ALK: variants seen among roughly 807,000 people sequenced by gnomAD.
The protein encoded by ALK is ALK tyrosine kinase receptor.
ALK carries 74 observed loss-of-function variants against 163.1 expected under a neutral mutation model. The observed-to-expected ratio is 0.45, with a 90% CI of 0.38 to 0.55. The LOEUF is 0.55. ALK is among the 20% of genes least tolerant of loss of function. ALK has a pLI of 0.00. For missense variants in ALK, 2,063 were observed against 2,105.3 expected, an observed-to-expected ratio of 0.98 and a Z score of 0.39; for synonymous variants, 960 against 843.2, an observed-to-expected ratio of 1.14 and a Z score of -2.40.
Position 29,566,920 on chromosome 2 carries a change from GA to G in ALK, c.953-34805del, listed in dbSNP as rs201740190. On this transcript the variant is annotated intron_variant, in intron 3 of 28. Transcript: ENST00000389048. Reference sequence around the variant, plus strand: ...AACCATGTATGTAAATATATACAAAGAAAAAAAACTGAAAGAATAAGCATCA... The same window carrying G: ...AACCATGTATGTAAATATATACAAAGAAAAAAACTGAAAGAATAAGCATCA... 6.7e-3 allele frequency among the ~76,000 whole-genome samples: 1,010 copies of G among 151,322 alleles called. 4 individuals carry two copies. Among genetic ancestry groups the G allele is most frequent in the African/African-American group, 0.023 (934 of 41,264 alleles).
At chr2:29,739,271 A>G (rs910994125) in intron 1 of ALK, among the ~76,000 whole-genome samples, 1 of 115,236 alleles carries the variant, frequency 8.7e-6, no homozygotes, top group African/African-American at 2.9e-5. Flanking sequence ...AAAAAAAAAG[A>G]ACATAGGCCA....
chr2:29,790,364 G>A (rs1664159952), intron 1 of ALK, among the ~76,000 whole-genome samples: 2 of 152,044 alleles, frequency 1.3e-5, no homozygotes, highest in African/African-American at 2.4e-5. Flanking sequence ...GACATAGACT[G>A]GGCTTGAAAA....
chr2:29,407,849 A>C (rs1477688761), intron 4 of ALK, among the ~76,000 whole-genome samples: 1 of 152,230 alleles, frequency 6.6e-6, no homozygotes. Context: ...ATCACCTGGT[A>C]GACTCCTCCA....
chr2:29,560,145 T>C (rs1673980093), intron 3 of ALK, among the ~76,000 whole-genome samples: 1 of 152,220 alleles, frequency 6.6e-6, no homozygotes, highest in South Asian at 2.1e-4. Flanking sequence ...GATTTGTACA[T>C]GACTGTCCAT....
chr2:29,612,132 C>A (rs996339671), intron 3 of ALK, among the ~76,000 whole-genome samples: 1 of 152,178 alleles, frequency 6.6e-6, no homozygotes, highest in South Asian at 2.1e-4. Context: ...TTCCTCCCTT[C>A]CCCCTCCCAC....
At chr2:29,511,799 A>G (rs1419618922) in intron 4 of ALK, among the ~76,000 whole-genome samples, 1 of 152,198 alleles carries the variant, frequency 6.6e-6, no homozygotes, top group East Asian at 1.9e-4. Flanking sequence ...ATCCTTAACA[A>G]CACTTGGTAT....
intron 4 of ALK, among the ~76,000 whole-genome samples, chr2:29,452,632 A>T (rs1331844866): frequency 6.6e-6 from 1 of 152,204 alleles, no homozygotes; most frequent in Non-Finnish European, 1.5e-5. Flanking sequence ...GTATCTCCCC[A>T]TAAGATACTA....
At chr2:29,470,669 C>T (rs1671326149) in intron 4 of ALK, among the ~76,000 whole-genome samples, 1 of 127,286 alleles carries the variant, frequency 7.9e-6, no homozygotes, top group African/African-American at 2.9e-5. Flanking sequence ...TAAGACATTT[C>T]AGACAAAACA....
intron 3 of ALK, among the ~76,000 whole-genome samples, chr2:29,606,915 C>G (rs1422117145): frequency 1.3e-5 from 2 of 152,220 alleles, no homozygotes; most frequent in Non-Finnish European, 2.9e-5. Flanking sequence ...CTAGTTGCCC[C>G]TCTTAGAAAT....
intron 15 of ALK, among the ~76,000 whole-genome samples, 194 bp downstream of exon 15, chr2:29,232,110 C>T (rs767703783): frequency 1.3e-5 from 2 of 152,176 alleles, no homozygotes; most frequent in Non-Finnish European, 2.9e-5. Flanking sequence ...AGTCCAAGCT[C>T]CAGGTCAGCA....
chr2:29,807,867 G>C (rs998777751), intron 1 of ALK, among the ~76,000 whole-genome samples: 3 of 152,168 alleles, frequency 2.0e-5, no homozygotes, highest in African/African-American at 7.2e-5. Flanking sequence ...AGATCACATT[G>C]TGAGAAGGTG....
chr2:29,276,162 C>G (rs1374347613), intron 9 of ALK, among the ~76,000 whole-genome samples: 1 of 152,140 alleles, frequency 6.6e-6, no homozygotes, highest in African/African-American at 2.4e-5. Context: ...TCTCAAGCAT[C>G]CTGGGTTTCA....
At chr2:29,577,858 C>T (rs1378510353) in intron 3 of ALK, among the ~76,000 whole-genome samples, 2 of 152,224 alleles carry the variant, frequency 1.3e-5, no homozygotes, top group African/African-American at 2.4e-5. Flanking sequence ...CACCCAAGAC[C>T]TGTCTTTTTG....
chr2:29,460,812 A>G (rs1671067404), intron 4 of ALK, among the ~76,000 whole-genome samples: 1 of 152,148 alleles, frequency 6.6e-6, no homozygotes, highest in Non-Finnish European at 1.5e-5. Flanking sequence ...AAGTGAAAGG[A>G]AGCGTCATAT....
chr2:29,739,274 A>T (rs1679982784), intron 1 of ALK, among the ~76,000 whole-genome samples: 1 of 147,374 alleles, frequency 6.8e-6, no homozygotes, highest in South Asian at 2.2e-4. Context: ...AAAAAAGAAC[A>T]TAGGCCAGGT....
chr2:29,729,519 A>G (rs1169109232), intron 1 of ALK, among the ~76,000 whole-genome samples: 1 of 152,204 alleles, frequency 6.6e-6, no homozygotes, highest in Non-Finnish European at 1.5e-5. Context: ...AAAAGGCCAT[A>G]AAACACCTTG....
At chr2:29,886,014 T>C (rs1362254495) in intron 1 of ALK, among the ~76,000 whole-genome samples, 6 of 152,180 alleles carry the variant, frequency 3.9e-5, no homozygotes, top group Non-Finnish European at 7.4e-5. Context: ...ACCTCTGAGA[T>C]AGCAAGACCA....
At chr2:29,627,857 A>C (rs943912129) in intron 3 of ALK, among the ~76,000 whole-genome samples, 1 of 152,228 alleles carries the variant, frequency 6.6e-6, no homozygotes, top group African/African-American at 2.4e-5. Flanking sequence ...AAGAGAGAAA[A>C]GTTTAGCGTG....
At chr2:29,312,395 G>T (rs577045998) in intron 8 of ALK, among the ~76,000 whole-genome samples, 2 of 152,252 alleles carry the variant, frequency 1.3e-5, no homozygotes, top group African/African-American at 4.8e-5. Context: ...AGGCTAGAAA[G>T]TGGGGGGGCT....
Sources: gnomAD v4.1 joint callset for allele counts (sites outside exome capture counted in the v4.1 genomes callset) on GRCh38, gnomAD v4.1.1 for gene constraint, MANE v1.5 for transcripts, NCBI Gene and HGNC (gene_info 2026-07-23, HGNC 2026-07-21) for gene names.